TMEM131: variants seen among roughly 807,000 people sequenced by gnomAD.
TMEM131 encodes the protein 2610524E03Rik.
A neutral mutation model predicts 211.6 loss-of-function variants in TMEM131; 66 were observed. That is an observed-to-expected ratio of 0.31 (90% CI 0.26 to 0.38). The LOEUF (loss-of-function observed/expected upper bound fraction) is 0.38. Ranked by LOEUF, TMEM131 falls within the 10% of genes least tolerant of loss-of-function variation. TMEM131 has a pLI of 1.00. For synonymous variants in TMEM131, 844 were observed against 841.3 expected (o/e 1.00, Z -0.06); for missense variants, 2,036 against 2,299.3 (o/e 0.89, Z 2.34).
chr2:97,930,561 GTAGAGA>G (rs890604158), intron 1 of TMEM131, among the ~76,000 whole-genome samples: 1 of 151,726 alleles, frequency 6.6e-6, no homozygotes, highest in African/African-American at 2.4e-5. Flanking sequence ...CTTAAAAGAT[GTAGAGA>G]TAAATAGGAT....
intron 5 of TMEM131, among the ~76,000 whole-genome samples, chr2:97,854,321 A>C (rs1673752681): frequency 6.6e-6 from 1 of 152,234 alleles, no homozygotes; most frequent in African/African-American, 2.4e-5. Flanking sequence ...AATAGGCCAC[A>C]GTATAGTATA....
chr2:97,866,340 A>G (rs529376120), intron 4 of TMEM131, among the ~76,000 whole-genome samples: 1 of 152,344 alleles, frequency 6.6e-6, no homozygotes, highest in East Asian at 1.9e-4. Flanking sequence ...GTTGTTCATA[A>G]AATTGCCCTG....
At chr2:97,783,658 GA>G (rs1178819800) in intron 31 of TMEM131, among the ~76,000 whole-genome samples, 7 of 151,458 alleles carry the variant, frequency 4.6e-5, no homozygotes, top group African/African-American at 1.7e-4. Context: ...AGACAAAACA[GA>G]ATTCTAAAAA....
chr2:97,897,324 G>A (rs1675655800), intron 3 of TMEM131, among the ~76,000 whole-genome samples: 1 of 151,962 alleles, frequency 6.6e-6, no homozygotes, highest in Non-Finnish European at 1.5e-5. Flanking sequence ...TAATGTAAGT[G>A]ATGAAAGTGG....
intron 29 of TMEM131, among the ~76,000 whole-genome samples, chr2:97,794,567 G>A (rs1481060669): frequency 6.6e-6 from 1 of 152,182 alleles, no homozygotes; most frequent in Non-Finnish European, 1.5e-5. Flanking sequence ...GAGAACAGAT[G>A]AAGACACTGA....
At chr2:97,988,329 A>C (rs1407876367) in intron 1 of TMEM131, among the ~76,000 whole-genome samples, 1 of 152,268 alleles carries the variant, frequency 6.6e-6, no homozygotes, top group African/African-American at 2.4e-5. Context: ...TTAAAGACCG[A>C]AACATAAGAC....
intron 35 of TMEM131, chr2:97,762,461 C>T (rs1678903851): frequency 3.0e-6 from 1 of 334,932 alleles, no homozygotes; most frequent in Non-Finnish European, 5.5e-6. Flanking sequence ...TTCACTTCTC[C>T]CACCTCAGGT....
chr2:97,934,217 T>G (rs1299148975), intron 1 of TMEM131, among the ~76,000 whole-genome samples: 3 of 152,158 alleles, frequency 2.0e-5, no homozygotes, highest in Admixed American at 2.0e-4. Context: ...CATTTCTATA[T>G]ACTAACAATG....
At chr2:97,786,350 T>C (rs1680249075) in intron 31 of TMEM131, among the ~76,000 whole-genome samples, 2 of 151,978 alleles carry the variant, frequency 1.3e-5, no homozygotes, top group Admixed American at 1.3e-4. Flanking sequence ...ATGAACAACA[T>C]AGGGATACCC....
At chr2:97,917,945 CTCTT>C (rs1287219611) in intron 2 of TMEM131, among the ~76,000 whole-genome samples, 6 of 151,208 alleles carry the variant, frequency 4.0e-5, no homozygotes, top group South Asian at 2.1e-4. Flanking sequence ...GTTTTTTTCT[CTCTT>C]TTTTTTTTTT....
chr2:97,887,550 G>A (rs1573512564), intron 4 of TMEM131, among the ~76,000 whole-genome samples: 2 of 152,260 alleles, frequency 1.3e-5, no homozygotes, highest in South Asian at 2.1e-4. Flanking sequence ...GCTTGGGGGA[G>A]GGTGTGCAGT....
At chr2:97,757,421 C>T (rs779242747) in intron 40 of TMEM131, 38 bp from the exon 41 acceptor site, 8 of 1,539,760 alleles carry the variant, frequency 5.2e-6, no homozygotes, top group African/African-American at 1.4e-5. Context: ...CTGAGCCCGG[C>T]AGGCAGAGGG....
intron 1 of TMEM131, among the ~76,000 whole-genome samples, chr2:97,937,635 G>A (rs1368380543): frequency 6.6e-6 from 1 of 151,958 alleles, no homozygotes; most frequent in Non-Finnish European, 1.5e-5. Context: ...TAATAATAAA[G>A]GGATCACTCC....
chr2:97,758,164 T>C (rs1264018298), intron 40 of TMEM131, among the ~76,000 whole-genome samples: 1 of 152,124 alleles, frequency 6.6e-6, no homozygotes, highest in Non-Finnish European at 1.5e-5. Flanking sequence ...CTGACTTCTC[T>C]TTTAAAGAAT....
intron 1 of TMEM131, among the ~76,000 whole-genome samples, chr2:97,991,111 T>C (rs187843499): frequency 4.9e-4 from 74 of 152,342 alleles, no homozygotes; most frequent in African/African-American, 1.5e-3. Flanking sequence ...AATGAAATTA[T>C]ATTACAATGA....
intron 33 of TMEM131, among the ~76,000 whole-genome samples, chr2:97,768,922 AG>A (rs960303294): frequency 3.3e-5 from 5 of 150,694 alleles, no homozygotes; most frequent in African/African-American, 1.2e-4. Context: ...CTTTTTAAAA[AG>A]GAAAAACAGG....
intron 1 of TMEM131, among the ~76,000 whole-genome samples, chr2:97,933,868 T>C (rs1677331824): frequency 6.6e-6 from 1 of 152,116 alleles, no homozygotes; most frequent in Non-Finnish European, 1.5e-5. Flanking sequence ...ATAAAAACTC[T>C]CAAGAAGATA....
chr2:97,935,026 C>G (rs1233832791), intron 1 of TMEM131, among the ~76,000 whole-genome samples: 1 of 151,880 alleles, frequency 6.6e-6, no homozygotes, highest in Non-Finnish European at 1.5e-5. Context: ...GTACCTCATT[C>G]AAAATTAAAA....
intron 29 of TMEM131, among the ~76,000 whole-genome samples, chr2:97,794,535 T>TTTC (rs1680671273): frequency 6.6e-6 from 1 of 152,236 alleles, no homozygotes; most frequent in Non-Finnish European, 1.5e-5. Flanking sequence ...TATCTGACTC[T>TTTC]TGAAACACAA....
Sources: gnomAD v4.1 joint callset for allele counts (sites outside exome capture counted in the v4.1 genomes callset) on GRCh38, gnomAD v4.1.1 for gene constraint, MANE v1.5 for transcripts, NCBI Gene and HGNC (gene_info 2026-07-23, HGNC 2026-07-21) for gene names.